Variants in AFG1L observed in about 807,000 individuals in gnomAD.
AFG1L encodes the protein AFG1-like ATPase.
A neutral mutation model predicts 62.2 loss-of-function variants in AFG1L; 53 were observed. That is an observed-to-expected ratio of 0.85 (90% CI 0.68 to 1.07). The LOEUF is 1.07. Among genes scored for constraint, AFG1L ranks in the 50% least tolerant of loss-of-function variants. The probability of loss-of-function intolerance (pLI) is 0.00; values close to 1 mark genes in which losing one functional copy is unlikely to be tolerated. For missense variants in AFG1L, 555 were observed against 590.5 expected (o/e 0.94, Z 0.62); for synonymous variants, 228 against 210.3 (o/e 1.08, Z -0.73).
intron 7 of AFG1L, among the ~76,000 whole-genome samples, chr6:108,405,977 G>A (rs1218850780): frequency 6.6e-6 from 1 of 152,090 alleles, no homozygotes; most frequent in African/African-American, 2.4e-5. Context: ...CCTTTTTATG[G>A]CATAATAATA....
intron 7 of AFG1L, among the ~76,000 whole-genome samples, chr6:108,422,924 A>G (rs1268220978): frequency 6.6e-6 from 1 of 152,022 alleles, no homozygotes; most frequent in Non-Finnish European, 1.5e-5. Context: ...CCCATTTTGC[A>G]TATTGTGCCA....
chr6:108,411,591 G>A (rs769984531), intron 7 of AFG1L, among the ~76,000 whole-genome samples: 8 of 152,258 alleles, frequency 5.3e-5, no homozygotes, highest in Non-Finnish European at 1.0e-4. Flanking sequence ...AACATTTTCC[G>A]TTCTGCAATA....
At chr6:108,455,693 G>A (rs1582614090) in intron 8 of AFG1L, among the ~76,000 whole-genome samples, 1 of 151,738 alleles carries the variant, frequency 6.6e-6, no homozygotes, top group Non-Finnish European at 1.5e-5. Context: ...TTATTTTTTG[G>A]CCCATGGGTT....
chr6:108,502,114 C>T (rs961921778), intron 10 of AFG1L, among the ~76,000 whole-genome samples: 1 of 152,080 alleles, frequency 6.6e-6, no homozygotes, highest in Non-Finnish European at 1.5e-5. Context: ...GCAACCTCTG[C>T]CTCCCAGGTT....
chr6:108,446,734 A>G (rs1771822812), intron 7 of AFG1L, among the ~76,000 whole-genome samples: 1 of 151,924 alleles, frequency 6.6e-6, no homozygotes. Flanking sequence ...AAACTCCTGG[A>G]CAAACACAAT....
intron 1 of AFG1L, among the ~76,000 whole-genome samples, chr6:108,314,099 C>T (rs1582572719): frequency 6.6e-6 from 1 of 151,820 alleles, no homozygotes; most frequent in Non-Finnish European, 1.5e-5. Flanking sequence ...GACGTGGTGG[C>T]GGGTGCCTGT....
chr6:108,515,137 A>G (rs1774824958), intron 11 of AFG1L, among the ~76,000 whole-genome samples: 1 of 152,196 alleles, frequency 6.6e-6, no homozygotes, highest in Admixed American at 6.5e-5. Flanking sequence ...TCAGCTCTGC[A>G]CCAAGCGGAC....
At chr6:108,348,076 G>A (rs547914330) in intron 3 of AFG1L, among the ~76,000 whole-genome samples, 1 of 151,760 alleles carries the variant, frequency 6.6e-6, no homozygotes, top group Non-Finnish European at 1.5e-5. Flanking sequence ...TTTTGTTTTT[G>A]TTTTTGTTTT....
intron 6 of AFG1L, among the ~76,000 whole-genome samples, chr6:108,391,887 C>G (rs1329868770): frequency 1.3e-5 from 2 of 152,136 alleles, no homozygotes; most frequent in Non-Finnish European, 2.9e-5. Flanking sequence ...GTACAAGGCT[C>G]AACATTGTAG....
At chr6:108,483,823 A>G (rs947887948) in intron 10 of AFG1L, among the ~76,000 whole-genome samples, 4 of 152,222 alleles carry the variant, frequency 2.6e-5, no homozygotes, top group Admixed American at 1.3e-4. Flanking sequence ...AGCCCATCAC[A>G]TAAGTGTATT....
intron 2 of AFG1L, chr6:108,344,974 C>A (rs936473863): frequency 5.9e-6 from 2 of 338,260 alleles, no homozygotes; most frequent in Non-Finnish European, 1.2e-5. Flanking sequence ...AAGCAGGCCT[C>A]CCTCTGACAA....
At chr6:108,519,006 G>T (rs1263928994) in intron 11 of AFG1L, among the ~76,000 whole-genome samples, 1 of 152,202 alleles carries the variant, frequency 6.6e-6, no homozygotes, top group Non-Finnish European at 1.5e-5. Flanking sequence ...ATCTTAGTCA[G>T]TATGTGGTGC....
At chr6:108,505,905 C>A (rs1774402056) in intron 10 of AFG1L, among the ~76,000 whole-genome samples, 1 of 152,068 alleles carries the variant, frequency 6.6e-6, no homozygotes, top group Admixed American at 6.5e-5. Context: ...GGAGCAGAGG[C>A]AATATACATA....
At chr6:108,514,121 A>G (rs561408076) in intron 11 of AFG1L, among the ~76,000 whole-genome samples, 1 of 152,362 alleles carries the variant, frequency 6.6e-6, no homozygotes, top group African/African-American at 2.4e-5. Context: ...GTACGTCACC[A>G]TCATCAAAGA....
At chr6:108,380,645 A>G (rs986057259) in intron 6 of AFG1L, among the ~76,000 whole-genome samples, 1 of 152,174 alleles carries the variant, frequency 6.6e-6, no homozygotes, top group African/African-American at 2.4e-5. Context: ...ATGCCCATAC[A>G]GCCATGCTGC....
intron 8 of AFG1L, among the ~76,000 whole-genome samples, chr6:108,457,459 TTTTAC>T (rs1418369193): frequency 6.6e-6 from 1 of 151,976 alleles, no homozygotes; most frequent in East Asian, 1.9e-4. Context: ...ATACTTCCAT[TTTTAC>T]TATCCCGGGC....
At chr6:108,516,796 C>T (rs1774914006) in intron 11 of AFG1L, among the ~76,000 whole-genome samples, 1 of 152,222 alleles carries the variant, frequency 6.6e-6, no homozygotes, top group African/African-American at 2.4e-5. Flanking sequence ...TAAGCAACTT[C>T]AGCAAAGTCT....
intron 8 of AFG1L, 122 bp from the exon 9 acceptor site, chr6:108,476,743 A>G: frequency 1.5e-6 from 1 of 676,370 alleles, no homozygotes; most frequent in Non-Finnish European, 2.6e-6. Context: ...TAATGTTTGT[A>G]TTTAGAGCAT....
intron 1 of AFG1L, among the ~76,000 whole-genome samples, chr6:108,321,838 C>A (rs560009566): frequency 6.6e-6 from 1 of 152,196 alleles, no homozygotes; most frequent in South Asian, 2.1e-4. Flanking sequence ...TAACAGAGAC[C>A]CCAATTATAC....
Sources: allele counts gnomAD v4.1 joint callset (sites outside exome capture counted in the v4.1 genomes callset), GRCh38; gene constraint gnomAD v4.1.1; transcripts MANE v1.5; gene names NCBI Gene and HGNC (gene_info 2026-07-23, HGNC 2026-07-21).